The following CNTN4 variants were observed in gnomAD, a reference collection of about 807,000 sequenced individuals.
CNTN4 encodes the protein contactin 4, also known as contactin-4.
Under a neutral mutation model 122.5 loss-of-function variants are expected in CNTN4, and 77 were observed. The ratio of observed to expected loss-of-function variants is 0.63; its 90% CI spans 0.52 to 0.76. The LOEUF is 0.76. CNTN4 is among the 30% of genes least tolerant of loss of function. The pLI is 0.00. For synonymous variants in CNTN4, 512 were observed against 447.0 expected, an observed-to-expected ratio of 1.15 and a Z score of -1.83; for missense variants, 1,256 against 1,259.1, an observed-to-expected ratio of 1.00 and a Z score of 0.04.
intron 3 of CNTN4, among the ~76,000 whole-genome samples, chr3:2,442,659 G>C (rs886521653): frequency 2.6e-5 from 4 of 151,784 alleles, no homozygotes; most frequent in Non-Finnish European, 5.9e-5. Flanking sequence ...TTAGGATTTT[G>C]GTAATATTCA....
At chr3:2,300,969 C>G (rs2042494368) in intron 2 of CNTN4, among the ~76,000 whole-genome samples, 1 of 152,164 alleles carries the variant, frequency 6.6e-6, no homozygotes, top group African/African-American at 2.4e-5. Context: ...CTTGATTTAC[C>G]TGCAGGAAGT....
chr3:2,784,363 G>A (rs1433261949), intron 6 of CNTN4, among the ~76,000 whole-genome samples: 2 of 152,132 alleles, frequency 1.3e-5, no homozygotes, highest in South Asian at 4.1e-4. Flanking sequence ...TCTCAACTTT[G>A]TTTATTGCGC....
chr3:2,620,548 T>C (rs1246670054), intron 4 of CNTN4, among the ~76,000 whole-genome samples: 1 of 152,132 alleles, frequency 6.6e-6, no homozygotes, highest in Non-Finnish European at 1.5e-5. Flanking sequence ...ATCTAGGTTA[T>C]AGAATAGGTT....
intron 2 of CNTN4, among the ~76,000 whole-genome samples, chr3:2,324,748 T>C (rs2043394309): frequency 6.6e-6 from 1 of 152,132 alleles, no homozygotes; most frequent in East Asian, 1.9e-4. Context: ...TCTTAAGTGT[T>C]CTTCTGACCT....
chr3:3,001,976 G>C (rs961592797), intron 14 of CNTN4, among the ~76,000 whole-genome samples: 2 of 152,192 alleles, frequency 1.3e-5, no homozygotes, highest in African/African-American at 2.4e-5. Context: ...GAAAACACAA[G>C]TCATTATCAT....
At chr3:2,973,667 G>A (rs1156381143) in intron 13 of CNTN4, among the ~76,000 whole-genome samples, 1 of 151,996 alleles carries the variant, frequency 6.6e-6, no homozygotes, top group Non-Finnish European at 1.5e-5. Context: ...TTTAATGTGT[G>A]CCTGTTTGTA....
At chr3:2,703,340 A>C (rs2086464220) in intron 4 of CNTN4, among the ~76,000 whole-genome samples, 2 of 152,204 alleles carry the variant, frequency 1.3e-5, no homozygotes, top group South Asian at 4.1e-4. Context: ...TGAATATAAT[A>C]GCTTACATGA....
intron 5 of CNTN4, 36 bp from the exon 6 acceptor site, chr3:2,745,486 G>A (rs751959254): frequency 3.2e-5 from 48 of 1,509,198 alleles, no homozygotes; most frequent in Non-Finnish European, 4.1e-5. Context: ...TGATTAATAT[G>A]ACAAGACTTT....
chr3:2,711,525 A>G (rs1576537953), intron 4 of CNTN4, among the ~76,000 whole-genome samples: 1 of 152,338 alleles, frequency 6.6e-6, no homozygotes, highest in East Asian at 1.9e-4. Flanking sequence ...AGGAAGAAGG[A>G]GGGAAGAAGA....
At chr3:2,439,869 C>T (rs1346114957) in intron 3 of CNTN4, among the ~76,000 whole-genome samples, 2 of 152,100 alleles carry the variant, frequency 1.3e-5, no homozygotes, top group African/African-American at 4.8e-5. Flanking sequence ...GTCAAGTTCA[C>T]CAGATCTTTA....
intron 13 of CNTN4, among the ~76,000 whole-genome samples, chr3:2,956,846 G>A (rs111614276): frequency 0.016 from 2,426 of 152,016 alleles, 25 homozygotes; most frequent in Non-Finnish European, 0.019. Context: ...CTGCTTCTAC[G>A]AGCTCTACTT....
At chr3:2,132,467 T>C (rs2034498604) in intron 2 of CNTN4, 1 of 152,154 alleles carries the variant, frequency 6.6e-6, no homozygotes, top group Non-Finnish European at 1.5e-5. Flanking sequence ...AGAAGAGAGA[T>C]AATGTGTTAT....
At chr3:3,005,599 C>A (rs1212753792) in intron 14 of CNTN4, among the ~76,000 whole-genome samples, 1 of 152,146 alleles carries the variant, frequency 6.6e-6, no homozygotes, top group Admixed American at 6.5e-5. Flanking sequence ...AGTTCAAGAC[C>A]AAGGCACTGG....
At chr3:2,749,222 G>C (rs1190090490) in intron 6 of CNTN4, among the ~76,000 whole-genome samples, 2 of 151,934 alleles carry the variant, frequency 1.3e-5, no homozygotes, top group Non-Finnish European at 2.9e-5. Flanking sequence ...GGAGTGCAGT[G>C]GTGCGACCTC....
intron 13 of CNTN4, among the ~76,000 whole-genome samples, chr3:2,985,982 T>C (rs1422126000): frequency 2.0e-5 from 3 of 149,460 alleles, no homozygotes; most frequent in Non-Finnish European, 4.4e-5. Context: ...TGGTGCCATC[T>C]CGGCTCACTG....
At chr3:2,333,290 G>T (rs1417707600) in intron 2 of CNTN4, among the ~76,000 whole-genome samples, 1 of 152,164 alleles carries the variant, frequency 6.6e-6, no homozygotes, top group African/African-American at 2.4e-5. Context: ...TTCAAGGCAG[G>T]TTCTTCAAGG....
intron 3 of CNTN4, among the ~76,000 whole-genome samples, chr3:2,363,301 A>C (rs1559487553): frequency 6.6e-6 from 1 of 152,224 alleles, no homozygotes; most frequent in Non-Finnish European, 1.5e-5. Flanking sequence ...GGACTAGGCT[A>C]AGCCTGTCAC....
intron 4 of CNTN4, among the ~76,000 whole-genome samples, chr3:2,643,417 C>T (rs2082981694): frequency 6.6e-6 from 1 of 152,126 alleles, no homozygotes; most frequent in Non-Finnish European, 1.5e-5. Context: ...CAATGATCCA[C>T]CCGCCTCAGC....
In CNTN4 at chr3:2,385,365, T is replaced by C. The variant is rs1039985149; in HGVS notation, c.-89+46132T>C. ...ACTCTTGTTGCACTGAATAACCTAT[T>C]AGCATACTTAAGGCAGAGTCTTTGT... On this transcript the variant is annotated intron_variant, in intron 3 of 24. Transcript: ENST00000418658. The surrounding 1 kb of genome is among the most constrained non-coding windows in gnomAD (Gnocchi z 4.0). 1.1e-4 allele frequency among the ~76,000 whole-genome samples: 16 copies of C among 152,234 alleles called. No homozygotes were observed. The highest frequency in any genetic ancestry group is 3.8e-4 in the African/African-American group (16 of 41,564).
Sources: allele counts gnomAD v4.1 joint callset (sites outside exome capture counted in the v4.1 genomes callset), GRCh38; gene constraint gnomAD v4.1.1; non-coding constraint Gnocchi (gnomAD v3.1); transcripts MANE v1.5; gene names NCBI Gene and HGNC (gene_info 2026-07-23, HGNC 2026-07-21).